KAZN: variants seen among roughly 807,000 people sequenced by gnomAD.
KAZN encodes kazrin.
A neutral mutation model predicts 87.4 loss-of-function variants in KAZN; 40 were observed. The observed-to-expected ratio is 0.46, with a 90% CI of 0.36 to 0.60. KAZN has a LOEUF of 0.60. Ranked by LOEUF, KAZN falls within the 20% of genes least tolerant of loss-of-function variation. The pLI, the probability that KAZN is intolerant of heterozygous loss-of-function variation, is 0.00. For synonymous variants in KAZN, 466 were observed against 458.3 expected (o/e 1.02, Z -0.22); for missense variants, 898 against 1,073.9 (o/e 0.84, Z 2.29).
intron 2 of KAZN, among the ~76,000 whole-genome samples, chr1:14,475,177 G>A (rs1453779577): frequency 6.6e-6 from 1 of 151,838 alleles, no homozygotes; most frequent in Non-Finnish European, 1.5e-5. Flanking sequence ...TGGAAAGATA[G>A]ACAAAGGAAA....
intron 1 of KAZN, among the ~76,000 whole-genome samples, chr1:14,011,624 A>G (rs1032062245): frequency 1.3e-5 from 2 of 152,120 alleles, no homozygotes; most frequent in African/African-American, 2.4e-5. Flanking sequence ...TGTAGGGGTT[A>G]TGAGCTAGGA....
chr1:14,631,209 C>T (rs1014518873), intron 1 of KAZN, among the ~76,000 whole-genome samples: 16 of 152,122 alleles, frequency 1.1e-4, no homozygotes, highest in Non-Finnish European at 2.1e-4. Flanking sequence ...ACCCCCTCTG[C>T]GCTGGGATCT....
At chr1:14,602,097 A>T (rs1473265469) in intron 1 of KAZN, among the ~76,000 whole-genome samples, 1 of 152,148 alleles carries the variant, frequency 6.6e-6, no homozygotes, top group East Asian at 1.9e-4. Context: ...GGCAGTAGGT[A>T]GGTTGGTATC....
intron 2 of KAZN, among the ~76,000 whole-genome samples, chr1:14,361,512 C>G (rs1557662893): frequency 6.6e-6 from 1 of 152,254 alleles, no homozygotes; most frequent in South Asian, 2.1e-4. Flanking sequence ...AAAACTGCAG[C>G]TAGCTCAGTG....
intron 2 of KAZN, among the ~76,000 whole-genome samples, chr1:14,418,140 C>G (rs1319238850): frequency 6.7e-6 from 1 of 148,662 alleles, no homozygotes; most frequent in Admixed American, 6.8e-5. Context: ...CCTGTGGGTC[C>G]AATGGAGGCA....
At chr1:14,655,381 C>G (rs995282362) in intron 1 of KAZN, among the ~76,000 whole-genome samples, 1 of 152,164 alleles carries the variant, frequency 6.6e-6, no homozygotes, top group African/African-American at 2.4e-5. Context: ...GAGGCTGGTC[C>G]GATAAATTTA....
At chr1:14,576,795 A>G (rs1336135496) in intron 2 of KAZN, among the ~76,000 whole-genome samples, 1 of 149,558 alleles carries the variant, frequency 6.7e-6, no homozygotes, top group Non-Finnish European at 1.5e-5. Flanking sequence ...TACGTTACCA[A>G]AAAAAAAGGA....
At chr1:14,306,591 T>C (rs1416510255) in intron 2 of KAZN, among the ~76,000 whole-genome samples, 1 of 152,198 alleles carries the variant, frequency 6.6e-6, no homozygotes, top group African/African-American at 2.4e-5. Flanking sequence ...AAGTCAGCAG[T>C]GCTGGGCTAC....
intron 1 of KAZN, among the ~76,000 whole-genome samples, chr1:14,835,793 C>A (rs959529143): frequency 2.0e-5 from 3 of 152,024 alleles, no homozygotes; most frequent in African/African-American, 7.2e-5. Context: ...TGGCTCCTAT[C>A]CGGGAAACAC....
At chr1:14,597,847 C>T (rs1232474539), upstream of KAZN, among the ~76,000 whole-genome samples, 1 of 152,082 alleles carries the variant, frequency 6.6e-6, no homozygotes, top group Non-Finnish European at 1.5e-5. Context: ...AGCCTGTGGT[C>T]TGGGAGAGAA....
intron 1 of KAZN, among the ~76,000 whole-genome samples, chr1:14,741,941 TG>T (rs1419775987): frequency 6.6e-6 from 1 of 151,864 alleles, no homozygotes; most frequent in Non-Finnish European, 1.5e-5. Flanking sequence ...CTCTTGTGGT[TG>T]TTTTTTTTTG....
intron 1 of KAZN, among the ~76,000 whole-genome samples, chr1:14,925,048 C>T (rs1659024199): frequency 6.6e-6 from 1 of 152,260 alleles, no homozygotes; most frequent in African/African-American, 2.4e-5. Flanking sequence ...GAGATTGCTG[C>T]GTTTCTCATA....
chr1:14,125,401 G>C (rs1644842883), intron 1 of KAZN, among the ~76,000 whole-genome samples: 1 of 152,224 alleles, frequency 6.6e-6, no homozygotes, highest in Non-Finnish European at 1.5e-5. Flanking sequence ...TTGGAAAAAG[G>C]ATCTTTGCAG....
chr1:14,460,604 T>C lies in KAZN; in HGVS notation c.250-138379T>C, dbSNP rs567766859. On this transcript the variant is annotated intron_variant, in intron 2 of 16. Transcript: ENST00000636203. ...CCTGGGATACTCCTCTCCTCCTCTA[T>C]GACAATCTTTCCCCTAATGTACTTT... 9.1e-4 allele frequency among the ~76,000 whole-genome samples: 138 copies of C among 152,314 alleles called. 1 individual carries two copies. Among genetic ancestry groups the C allele is most frequent in the Non-Finnish European group, 2.8e-4 (19 of 68,022 alleles).
chr1:15,022,562 C>A lies in KAZN; in HGVS notation c.419-12187C>A, dbSNP rs565304298. On this transcript the variant is annotated intron_variant, in intron 2 of 14. Coordinates refer to ENST00000376030, the MANE Select transcript of KAZN (RefSeq NM_201628.3). Reference sequence around the variant, plus strand: ...GATGGGCCCAAGTCTCTCCTGCTCCCTCTTCCGTGGACACTCACTCAGGTC... The same window carrying A: ...GATGGGCCCAAGTCTCTCCTGCTCCATCTTCCGTGGACACTCACTCAGGTC... Among the ~76,000 whole-genome samples, 19 of 152,326 alleles carry A rather than the reference C, an allele frequency of 1.2e-4. 2 individuals carry two copies. Among genetic ancestry groups the A allele is most frequent in the African/African-American group, 4.1e-4 (17 of 41,584 alleles).
chr1:14,358,559 T>C (rs544259437), intron 2 of KAZN, among the ~76,000 whole-genome samples: 1 of 152,342 alleles, frequency 6.6e-6, no homozygotes, highest in Non-Finnish European at 1.5e-5. Context: ...TTGTGGGCAT[T>C]TAGTGCTATA....
At chr1:14,684,530 G>A (rs190869544) in intron 1 of KAZN, among the ~76,000 whole-genome samples, 3 of 152,312 alleles carry the variant, frequency 2.0e-5, no homozygotes, top group Middle Eastern at 3.4e-3. Context: ...TGGTTCTGGA[G>A]GCCAGAAGTG....
chr1:14,749,979 A>T (rs1644366937), intron 1 of KAZN, among the ~76,000 whole-genome samples: 1 of 152,138 alleles, frequency 6.6e-6, no homozygotes, highest in Admixed American at 6.5e-5. Context: ...TACATGGGGT[A>T]AAATGACATA....
chr1:13,969,356 C>T (rs2092432), intron 1 of KAZN, among the ~76,000 whole-genome samples: 63,781 of 151,984 alleles, frequency 0.42, 13,691 homozygotes, highest in East Asian at 0.64. Context: ...GTCCTTACAA[C>T]TGGGGGAGAT....
Sources: allele counts gnomAD v4.1 joint callset (sites outside exome capture counted in the v4.1 genomes callset), GRCh38; gene constraint gnomAD v4.1.1; transcripts MANE v1.5; gene names NCBI Gene and HGNC (gene_info 2026-07-23, HGNC 2026-07-21).